Variants in CTDSPL observed in about 807,000 individuals in gnomAD.
CTDSPL encodes CTD small phosphatase-like protein.
A neutral mutation model predicts 30.5 loss-of-function variants in CTDSPL; 8 were observed. The observed-to-expected ratio is 0.26, with a 90% CI of 0.15 to 0.47. The LOEUF (loss-of-function observed/expected upper bound fraction) is 0.47. CTDSPL is among the 20% of genes least tolerant of loss of function. CTDSPL has a pLI of 0.99. For synonymous variants in CTDSPL, 110 were observed against 137.9 expected, an observed-to-expected ratio of 0.80 and a Z score of 1.42; for missense variants, 248 against 366.1, an observed-to-expected ratio of 0.68 and a Z score of 2.63.
At chr3:37,936,226 T>TCTTTTATAGAGTGTC (rs1482073712) in intron 1 of CTDSPL, among the ~76,000 whole-genome samples, 2 of 152,186 alleles carry the variant, frequency 1.3e-5, no homozygotes, top group Non-Finnish European at 2.9e-5. Flanking sequence ...AAGGTACGTT[T>TCTTTTATAGAGTGTC]CTTTTATAGA....
intron 1 of CTDSPL, among the ~76,000 whole-genome samples, chr3:37,936,102 G>T (rs1029215676): frequency 3.3e-5 from 5 of 152,182 alleles, no homozygotes; most frequent in Admixed American, 2.0e-4. Context: ...CTTTGTGGAA[G>T]ATGAGAGCAG....
intron 1 of CTDSPL, among the ~76,000 whole-genome samples, chr3:37,883,815 A>G (rs920561649): frequency 2.0e-5 from 3 of 152,202 alleles, no homozygotes; most frequent in African/African-American, 7.2e-5. Flanking sequence ...TTGTTTTGAC[A>G]AGTTTCTTCT....
At chr3:37,934,832 T>C (rs753824721) in intron 1 of CTDSPL, among the ~76,000 whole-genome samples, 30 of 152,322 alleles carry the variant, frequency 2.0e-4, no homozygotes, top group South Asian at 4.1e-4. Context: ...TTTCCGTCCA[T>C]ATAGTCATTC....
At chr3:37,898,520 T>C (rs958788002) in intron 1 of CTDSPL, among the ~76,000 whole-genome samples, 7 of 152,230 alleles carry the variant, frequency 4.6e-5, no homozygotes, top group African/African-American at 1.7e-4. Flanking sequence ...ATAATATTAC[T>C]AGTGCCATCT....
intron 7 of CTDSPL, among the ~76,000 whole-genome samples, chr3:37,976,668 G>A (rs1699432649): frequency 1.3e-5 from 2 of 151,826 alleles, no homozygotes; most frequent in South Asian, 4.2e-4. Flanking sequence ...CTTCAATAAG[G>A]TCTTCAAATA....
Position 37,875,874 on chromosome 3 carries a change from G to A in CTDSPL, c.79+13596G>A, listed in dbSNP as rs150074856. Among the ~76,000 whole-genome samples, 300 of 152,326 alleles carry A rather than the reference G, an allele frequency of 2.0e-3. 1 individual carries two copies. The highest frequency in any genetic ancestry group is 5.2e-3 in the East Asian group (27 of 5,188). On this transcript the variant is annotated intron_variant, in intron 1 of 7. Transcript: ENST00000273179. ...AATGTATGAGCACTTATTGGTAAGC[G>A]TTAGTTTTTATACTCTGTAGTAGAC... is the stretch of plus-strand genomic sequence containing the variant.
chr3:37,932,133 G>A (rs1313771410), intron 1 of CTDSPL, among the ~76,000 whole-genome samples: 2 of 152,136 alleles, frequency 1.3e-5, no homozygotes, highest in African/African-American at 4.8e-5. Context: ...ACTGTATGAG[G>A]ATAAATTGTT....
At chr3:37,967,736 C>A in intron 4 of CTDSPL, 90 bp from the exon 5 acceptor site, 1 of 880,798 alleles carries the variant, frequency 1.1e-6, no homozygotes, top group Non-Finnish European at 1.8e-6. Flanking sequence ...ATAACCAAAA[C>A]ATTGGTCTAG....
chr3:37,946,755 G>GC (rs1699043578), intron 1 of CTDSPL, among the ~76,000 whole-genome samples: 2 of 152,164 alleles, frequency 1.3e-5, no homozygotes, highest in African/African-American at 4.8e-5. Flanking sequence ...AATGCAGATG[G>GC]GGACTGACCC....
chr3:37,944,181 A>G (rs1023817216), intron 1 of CTDSPL, among the ~76,000 whole-genome samples: 2 of 150,506 alleles, frequency 1.3e-5, no homozygotes, highest in Non-Finnish European at 3.0e-5. Context: ...CATAATTACC[A>G]GAAAACATTT....
At chr3:37,879,435 G>A (rs1575278653) in intron 1 of CTDSPL, among the ~76,000 whole-genome samples, 1 of 152,176 alleles carries the variant, frequency 6.6e-6, no homozygotes, top group South Asian at 2.1e-4. Context: ...ATGTTTCTCA[G>A]TGACCCCCAA....
intron 2 of CTDSPL, among the ~76,000 whole-genome samples, chr3:37,949,386 C>G (rs574459410): frequency 3.6e-4 from 55 of 152,082 alleles, no homozygotes; most frequent in African/African-American, 1.3e-3. Flanking sequence ...GATTATAATA[C>G]CGAAAAATTA....
chr3:37,981,019 T>G lies in CTDSPL; in HGVS notation c.*152T>G. 1 of 820,166 alleles carries G rather than the reference T, an allele frequency of 1.2e-6. No homozygotes were observed. The highest frequency in any genetic ancestry group is 1.7e-6 in the Non-Finnish European group (1 of 583,002). 50.8% of individuals were successfully genotyped at this position (820,166 alleles called of 1,614,324 possible). On this transcript the variant is annotated 3_prime_UTR_variant, in exon 8 of 8. Coordinates refer to ENST00000273179, the MANE Select transcript of CTDSPL (RefSeq NM_001008392.2). ...GGCCATGCCTACCTGTTTTGTTTTT[T>G]TAAGAACAGAAACAACTATTTTAAA...
intron 1 of CTDSPL, among the ~76,000 whole-genome samples, chr3:37,869,355 A>G (rs1331451604): frequency 2.0e-5 from 3 of 152,080 alleles, no homozygotes; most frequent in Non-Finnish European, 4.4e-5. Context: ...ACAATGCTGT[A>G]GAGTGTTTAT....
intron 1 of CTDSPL, among the ~76,000 whole-genome samples, chr3:37,881,862 G>A (rs1257937504): frequency 6.6e-6 from 1 of 152,164 alleles, no homozygotes; most frequent in Non-Finnish European, 1.5e-5. Flanking sequence ...TCAGGAAGGG[G>A]TACACAGGGA....
At chr3:37,878,645 A>G (rs1443721927) in intron 1 of CTDSPL, among the ~76,000 whole-genome samples, 1 of 152,222 alleles carries the variant, frequency 6.6e-6, no homozygotes, top group Non-Finnish European at 1.5e-5. Context: ...AAAGCGTTGG[A>G]CAATCTGTCA....
At chr3:37,968,944 C>T (rs1392657502) in intron 5 of CTDSPL, among the ~76,000 whole-genome samples, 1 of 152,242 alleles carries the variant, frequency 6.6e-6, no homozygotes. Flanking sequence ...TGCTTATTCT[C>T]CAGGACATCC....
intron 1 of CTDSPL, among the ~76,000 whole-genome samples, chr3:37,917,604 T>C (rs1042067907): frequency 6.6e-6 from 1 of 152,176 alleles, no homozygotes; most frequent in Non-Finnish European, 1.5e-5. Flanking sequence ...CTGATATAGT[T>C]TTACTATTAA....
chr3:37,974,828 G>A (rs1214825333), intron 6 of CTDSPL, among the ~76,000 whole-genome samples: 1 of 152,198 alleles, frequency 6.6e-6, no homozygotes, highest in African/African-American at 2.4e-5. Context: ...AGGACCTCTA[G>A]GGGGCAGTGT....
Sources: allele counts gnomAD v4.1 joint callset (sites outside exome capture counted in the v4.1 genomes callset), GRCh38; gene constraint gnomAD v4.1.1; transcripts MANE v1.5; gene names NCBI Gene and HGNC (gene_info 2026-07-23, HGNC 2026-07-21).